FOXP2: variants seen among roughly 807,000 people sequenced by gnomAD.
The protein encoded by FOXP2 is forkhead box P2.
Under a neutral mutation model 115.8 loss-of-function variants are expected in FOXP2, and 12 were observed. The ratio of observed to expected loss-of-function variants is 0.10; its 90% confidence interval spans 0.07 to 0.17. FOXP2 has a LOEUF of 0.17. Ranked by LOEUF, FOXP2 falls within the 10% of genes least tolerant of loss-of-function variation. FOXP2 has a pLI of 1.00. For synonymous variants in FOXP2, 328 were observed against 297.7 expected (o/e 1.10, Z -1.05); for missense variants, 629 against 843.5 (o/e 0.75, Z 3.15).
At chr7:114,408,446 G>T (rs2129198129) in intron 2 of FOXP2, among the ~76,000 whole-genome samples, 1 of 152,214 alleles carries the variant, frequency 6.6e-6, no homozygotes, top group African/African-American at 2.4e-5. Context: ...TAATGAATGG[G>T]CCAGGCGCAG....
intron 2 of FOXP2, among the ~76,000 whole-genome samples, chr7:114,365,283 TTTAATACAGCAGAACCCTATTTTA>T: frequency 6.6e-6 from 1 of 152,136 alleles, no homozygotes; most frequent in East Asian, 1.9e-4. Flanking sequence ...CTGAGTTTGA[TTTAATACAGCAGAACCCTATTTTA>T]TTCTTTCAGC....
At chr7:114,558,108 T>C (rs1584892938) in intron 3 of FOXP2, among the ~76,000 whole-genome samples, 1 of 152,086 alleles carries the variant, frequency 6.6e-6, no homozygotes, top group East Asian at 1.9e-4. Context: ...CACCCAGCCC[T>C]GACTTTTAAT....
chr7:114,442,305 G>T (rs889843696), intron 2 of FOXP2, among the ~76,000 whole-genome samples: 1 of 151,722 alleles, frequency 6.6e-6, no homozygotes, highest in South Asian at 2.1e-4. Flanking sequence ...GTTACCTGGG[G>T]CCGGAGGTAA....
upstream of FOXP2, among the ~76,000 whole-genome samples, chr7:114,413,987 G>C (rs1415751194): frequency 6.6e-6 from 1 of 152,088 alleles, no homozygotes; most frequent in African/African-American, 2.4e-5. Flanking sequence ...AGAGTTAAAG[G>C]CCATAAAACT....
intron 1 of FOXP2, among the ~76,000 whole-genome samples, chr7:114,196,230 T>C (rs1793902673): frequency 6.6e-6 from 1 of 151,926 alleles, no homozygotes; most frequent in Admixed American, 6.6e-5. Flanking sequence ...CAGGATAGTC[T>C]CCATCTCTTG....
At chr7:114,237,228 A>C (rs1353002004) in intron 1 of FOXP2, among the ~76,000 whole-genome samples, 1 of 152,216 alleles carries the variant, frequency 6.6e-6, no homozygotes, top group East Asian at 1.9e-4. Context: ...GAAACTGACT[A>C]TTATCTTCTA....
intron 2 of FOXP2, among the ~76,000 whole-genome samples, chr7:114,334,174 G>C (rs542225222): frequency 3.3e-5 from 5 of 152,178 alleles, no homozygotes; most frequent in African/African-American, 1.2e-4. Flanking sequence ...ACATTCAATA[G>C]AAAAGAAATG....
chr7:114,389,377 G>A (rs1023192348), intron 2 of FOXP2, among the ~76,000 whole-genome samples: 3 of 152,140 alleles, frequency 2.0e-5, no homozygotes, highest in African/African-American at 7.2e-5. Flanking sequence ...GAAAGTTACT[G>A]GGGCCTTAAA....
chr7:114,599,028 A>G (rs1197876152), intron 3 of FOXP2, among the ~76,000 whole-genome samples: 1 of 152,196 alleles, frequency 6.6e-6, no homozygotes, highest in Non-Finnish European at 1.5e-5. Context: ...ATTCATGAAT[A>G]AAGATACTTT....
chr7:114,190,185 C>T (rs1256003416), intron 1 of FOXP2, among the ~76,000 whole-genome samples: 1 of 152,072 alleles, frequency 6.6e-6, no homozygotes, highest in Non-Finnish European at 1.5e-5. Context: ...TTGACTGGGC[C>T]AAGGGATGCC....
chr7:114,538,178 G>A lies in FOXP2; in HGVS notation c.258+3472G>A, dbSNP rs188335408. 1.4e-3 allele frequency: 604 copies of A among 424,342 alleles called. 4 individuals are homozygous for A. Among genetic ancestry groups the A allele is most frequent in the Middle Eastern group, 4.1e-3 (5 of 1,230 alleles). The allele number at this position is 424,342 out of a possible 1,614,324, so 26.3% of individuals were successfully genotyped here. A position where few individuals can be genotyped will look rare whatever the true frequency, so the allele number is the denominator to read the frequency against. On this transcript the variant is annotated intron_variant, in intron 3 of 16. Coordinates refer to ENST00000350908, the MANE Select transcript of FOXP2 (RefSeq NM_014491.4). ...CCCACACACACATAAATGCCAACAT[G>A]CACATACACACATGCACACTTCCAT...
intron 1 of FOXP2, among the ~76,000 whole-genome samples, chr7:114,223,100 A>C (rs1337331846): frequency 2.0e-5 from 3 of 152,180 alleles, no homozygotes; most frequent in Admixed American, 6.5e-5. Flanking sequence ...CACATATACA[A>C]GATTTTCCCT....
At chr7:114,498,434 A>G (rs186390700) in intron 2 of FOXP2, among the ~76,000 whole-genome samples, 1 of 152,300 alleles carries the variant, frequency 6.6e-6, no homozygotes, top group Non-Finnish European at 1.5e-5. Flanking sequence ...GTAATCATCT[A>G]AGTAAAATAT....
chr7:114,176,450 C>T (rs1386995311), intron 1 of FOXP2, among the ~76,000 whole-genome samples: 8 of 151,616 alleles, frequency 5.3e-5, no homozygotes, highest in African/African-American at 1.5e-4. Context: ...GCAATCCTCT[C>T]GCCTCAGCTC....
intron 2 of FOXP2, among the ~76,000 whole-genome samples, chr7:114,534,368 C>T (rs1799276575): frequency 6.6e-6 from 1 of 151,720 alleles, no homozygotes; most frequent in South Asian, 2.1e-4. Flanking sequence ...GATTTTTATC[C>T]TCTTTAAGCA....
At chr7:114,141,910 C>T (rs1014808246) in intron 1 of FOXP2, among the ~76,000 whole-genome samples, 2 of 152,190 alleles carry the variant, frequency 1.3e-5, no homozygotes, top group African/African-American at 2.4e-5. Flanking sequence ...TCTTAGTAAT[C>T]TCAATTGATG....
chr7:114,117,379 G>T (rs564886897), intron 1 of FOXP2, among the ~76,000 whole-genome samples: 1 of 151,690 alleles, frequency 6.6e-6, no homozygotes, highest in Non-Finnish European at 1.5e-5. Context: ...GCACCACCAC[G>T]CCCAGCTAGT....
intron 2 of FOXP2, among the ~76,000 whole-genome samples, chr7:114,473,809 A>AT (rs1486962054): frequency 1.3e-5 from 2 of 152,112 alleles, no homozygotes; most frequent in South Asian, 4.1e-4. Flanking sequence ...GAGCCTACTA[A>AT]TTTACTTAAG....
intron 2 of FOXP2, among the ~76,000 whole-genome samples, chr7:114,299,090 C>T (rs1325923279): frequency 6.6e-6 from 1 of 151,942 alleles, no homozygotes; most frequent in South Asian, 2.1e-4. Context: ...GTTTAATTAT[C>T]TTACATAATT....
Sources: gnomAD v4.1 joint callset for allele counts (sites outside exome capture counted in the v4.1 genomes callset) on GRCh38, gnomAD v4.1.1 for gene constraint, MANE v1.5 for transcripts, NCBI Gene and HGNC (gene_info 2026-07-23, HGNC 2026-07-21) for gene names.